Variants in CPED1 observed in about 807,000 individuals in gnomAD.
CPED1 encodes the protein cadherin like and PC-esterase domain containing 1, also known as cadherin-like and PC-esterase domain-containing protein 1.
A neutral mutation model predicts 128.2 loss-of-function variants in CPED1; 114 were observed. The ratio of observed to expected loss-of-function variants is 0.89; its 90% confidence interval spans 0.76 to 1.04. The LOEUF is 1.04. Among genes scored for constraint, CPED1 ranks in the 50% least tolerant of loss-of-function variants. CPED1 has a pLI of 0.00. For synonymous variants in CPED1, 462 were observed against 426.7 expected, an observed-to-expected ratio of 1.08 and a Z score of -1.02; for missense variants, 1,211 against 1,207.1, an observed-to-expected ratio of 1.00 and a Z score of -0.05.
intron 22 of CPED1, among the ~76,000 whole-genome samples, chr7:121,287,547 G>C (rs1792610776): frequency 1.3e-5 from 2 of 152,256 alleles, no homozygotes; most frequent in East Asian, 3.9e-4. Flanking sequence ...AAATCATAAT[G>C]AGTCATGATT....
chr7:121,166,640 T>C (rs1173080740), intron 16 of CPED1, among the ~76,000 whole-genome samples: 1 of 152,180 alleles, frequency 6.6e-6, no homozygotes, highest in Non-Finnish European at 1.5e-5. Flanking sequence ...TCCCAAAGGA[T>C]ATTTATCTTA....
chr7:120,989,812 G>T lies in CPED1; in HGVS notation c.191G>T (p.Gly64Val). 4 of 1,614,070 alleles carry T rather than the reference G, an allele frequency of 2.5e-6. No homozygotes were observed. The highest frequency in any genetic ancestry group is 2.5e-6 in the Non-Finnish European group (3 of 1,180,018). ...ACCCAGGCAAGCAGATGCAAGAAAG[G>T]ATTCTCTCAGGACAAACAGTGCTTC... ...TETQASRCKK[G>V]FSQDKQCFLL... The change falls in exon 2 of 23, where the codon GGA (glycine) becomes GTA (valine). Residue 64 changes from glycine to valine, a missense_variant. Transcript: ENST00000310396.
intron 16 of CPED1, among the ~76,000 whole-genome samples, chr7:121,192,531 C>A (rs988108884): frequency 1.3e-5 from 2 of 152,074 alleles, no homozygotes; most frequent in Admixed American, 1.3e-4. Flanking sequence ...AGCAGGACAT[C>A]CCTCGAGTAC....
At chr7:121,063,208 G>A (rs1428112605) in intron 4 of CPED1, among the ~76,000 whole-genome samples, 1 of 151,992 alleles carries the variant, frequency 6.6e-6, no homozygotes, top group Non-Finnish European at 1.5e-5. Flanking sequence ...CACATGAACA[G>A]GGTTAATAAA....
chr7:121,146,426 A>G (rs1173611508), intron 16 of CPED1, among the ~76,000 whole-genome samples: 1 of 152,104 alleles, frequency 6.6e-6, no homozygotes, highest in Non-Finnish European at 1.5e-5. Flanking sequence ...GGACATTCAA[A>G]CTACAGCAAA....
intron 4 of CPED1, among the ~76,000 whole-genome samples, chr7:121,060,829 T>C (rs1793645664): frequency 6.6e-6 from 1 of 152,214 alleles, no homozygotes; most frequent in South Asian, 2.1e-4. Context: ...TCTTTTGCGC[T>C]TTGCAATAAA....
intron 7 of CPED1, among the ~76,000 whole-genome samples, chr7:121,123,437 C>G (rs1245234907): frequency 6.6e-6 from 1 of 152,068 alleles, no homozygotes; most frequent in Non-Finnish European, 1.5e-5. Context: ...AATAGAATAC[C>G]TGCTGCATGT....
intron 7 of CPED1, among the ~76,000 whole-genome samples, chr7:121,118,728 C>T (rs949048974): frequency 6.6e-6 from 1 of 152,130 alleles, no homozygotes; most frequent in Non-Finnish European, 1.5e-5. Flanking sequence ...ATGGTGCAGG[C>T]ATCTGCTCAG....
intron 3 of CPED1, among the ~76,000 whole-genome samples, chr7:121,027,005 ATT>A (rs111761805): frequency 5.5e-4 from 75 of 135,438 alleles, no homozygotes; most frequent in East Asian, 1.3e-3. Flanking sequence ...AATTTTTCTT[ATT>A]TTTTTTTTTT....
At chr7:121,118,544 G>A in intron 7 of CPED1, among the ~76,000 whole-genome samples, 1 of 135,034 alleles carries the variant, frequency 7.4e-6, no homozygotes, top group Non-Finnish European at 1.5e-5. Context: ...TGGCTACAGA[G>A]CAAGACTCTG....
At position 121,047,545 on chromosome 7, in the gene CPED1, A is replaced by G. The variant is rs996891476; in HGVS notation, c.540+552A>G. On this transcript the variant is annotated intron_variant, in intron 4 of 22. Transcript: ENST00000310396. Reference sequence around the variant, plus strand: ...TGATACCTATAACGAATCTGTACGAAAAGTGACAAATCCAATAGCTCTTAT... The same window carrying G: ...TGATACCTATAACGAATCTGTACGAGAAGTGACAAATCCAATAGCTCTTAT... Among the ~76,000 whole-genome samples, 5 of 152,192 alleles carry G rather than the reference A, an allele frequency of 3.3e-5. No individual in the cohort carries two copies. The East Asian group carries it at 9.6e-4, about 29-fold the overall frequency.
At chr7:121,219,769 C>T (rs80077478) in intron 16 of CPED1, among the ~76,000 whole-genome samples, 16 of 152,166 alleles carry the variant, frequency 1.1e-4, no homozygotes, top group African/African-American at 3.9e-4. Context: ...GTACTATCCT[C>T]TACCCAACCT....
At chr7:121,001,986 G>GACAC (rs148835438) in intron 2 of CPED1, among the ~76,000 whole-genome samples, 60 of 151,676 alleles carry the variant, frequency 4.0e-4, no homozygotes, top group African/African-American at 6.5e-4. Context: ...GGGAAAAGAA[G>GACAC]ACACACACAC....
intron 2 of CPED1, among the ~76,000 whole-genome samples, chr7:121,006,855 G>A (rs1007805925): frequency 2.0e-5 from 3 of 152,084 alleles, no homozygotes; most frequent in Non-Finnish European, 4.4e-5. Context: ...GCCTTGAAGA[G>A]GAGGCTGAAA....
chr7:121,167,856 T>C (rs1382291725), intron 16 of CPED1, among the ~76,000 whole-genome samples: 1 of 151,430 alleles, frequency 6.6e-6, no homozygotes, highest in Non-Finnish European at 1.5e-5. Flanking sequence ...CTCAGCCTCC[T>C]GTGTAGCTGG....
intron 16 of CPED1, among the ~76,000 whole-genome samples, chr7:121,203,311 C>G (rs1011562288): frequency 6.6e-6 from 1 of 152,076 alleles, no homozygotes; most frequent in Non-Finnish European, 1.5e-5. Flanking sequence ...CTCCTGGGAG[C>G]CTGGGTCCAC....
At chr7:121,077,651 T>C (rs1388039901) in intron 5 of CPED1, among the ~76,000 whole-genome samples, 4 of 151,164 alleles carry the variant, frequency 2.6e-5, no homozygotes, top group African/African-American at 9.7e-5. Flanking sequence ...GGCTCAATAA[T>C]GCATACATTA....
chr7:121,179,684 G>A (rs994693920), intron 16 of CPED1, among the ~76,000 whole-genome samples: 2 of 151,964 alleles, frequency 1.3e-5, no homozygotes, highest in Non-Finnish European at 2.9e-5. Context: ...CAGCTCAATG[G>A]TAATGACTTA....
intron 2 of CPED1, among the ~76,000 whole-genome samples, chr7:120,995,958 C>T (rs1796393890): frequency 7.0e-6 from 1 of 141,846 alleles, no homozygotes; most frequent in South Asian, 2.2e-4. Context: ...CCTCCTCCTC[C>T]TCCTCCTCCT....
Sources: gnomAD v4.1 joint callset for allele counts (sites outside exome capture counted in the v4.1 genomes callset) on GRCh38, gnomAD v4.1.1 for gene constraint, MANE v1.5 for transcripts, NCBI Gene and HGNC (gene_info 2026-07-23, HGNC 2026-07-21) for gene names.